Variants in RAB28 observed in about 807,000 individuals in gnomAD.
RAB28 encodes ras-related protein Rab-28.
A neutral mutation model predicts 31.7 loss-of-function variants in RAB28; 24 were observed. The ratio of observed to expected loss-of-function variants is 0.76; its 90% confidence interval spans 0.55 to 1.06. The LOEUF (loss-of-function observed/expected upper bound fraction) is 1.06. Among genes scored for constraint, RAB28 ranks in the 50% least tolerant of loss-of-function variants. RAB28 has a pLI of 0.00. For missense variants in RAB28, 254 were observed against 258.5 expected (o/e 0.98, Z 0.12); for synonymous variants, 100 against 90.4 (o/e 1.11, Z -0.60).
chr4:13,409,052 T>C (rs1712269290), intron 4 of RAB28, among the ~76,000 whole-genome samples: 1 of 152,236 alleles, frequency 6.6e-6, no homozygotes, highest in Non-Finnish European at 1.5e-5. Context: ...TGCTTTATTA[T>C]ACTGTCTTTT....
At chr4:13,416,759 G>A (rs948227157) in intron 4 of RAB28, among the ~76,000 whole-genome samples, 1 of 152,078 alleles carries the variant, frequency 6.6e-6, no homozygotes, top group Non-Finnish European at 1.5e-5. Context: ...GCACACAAAC[G>A]AAGATTCCAT....
chr4:13,473,584 A>G (rs1716213685), intron 3 of RAB28, among the ~76,000 whole-genome samples: 1 of 151,868 alleles, frequency 6.6e-6, no homozygotes, highest in African/African-American at 2.4e-5. Flanking sequence ...GAACATGCTC[A>G]GAGAGAAATG....
intron 4 of RAB28, among the ~76,000 whole-genome samples, chr4:13,398,583 C>T (rs551016224): frequency 7.8e-4 from 119 of 152,030 alleles, no homozygotes; most frequent in Non-Finnish European, 1.4e-3. Context: ...TAGAGACCAT[C>T]CTGGCTAACA....
At chr4:13,392,327 C>A (rs1003588338) in intron 4 of RAB28, among the ~76,000 whole-genome samples, 10 of 152,188 alleles carry the variant, frequency 6.6e-5, no homozygotes, top group Admixed American at 6.5e-5. Flanking sequence ...TATCAAATAT[C>A]TTTATAAAGA....
chr4:13,377,838 C>T (rs1449963556), intron 5 of RAB28, among the ~76,000 whole-genome samples: 1 of 152,142 alleles, frequency 6.6e-6, no homozygotes, highest in Non-Finnish European at 1.5e-5. Flanking sequence ...TTTCAAAGTA[C>T]AGCCAAGGGG....
intron 3 of RAB28, among the ~76,000 whole-genome samples, chr4:13,472,603 C>T (rs1178512125): frequency 6.6e-6 from 1 of 151,792 alleles, no homozygotes; most frequent in African/African-American, 2.4e-5. Context: ...AAAGACTATT[C>T]TATTTGACAC....
intron 4 of RAB28, among the ~76,000 whole-genome samples, chr4:13,386,883 C>A (rs1198109138): frequency 1.3e-5 from 2 of 151,988 alleles, no homozygotes; most frequent in East Asian, 3.8e-4. Context: ...AAAGACAATG[C>A]AGTACATATG....
intron 3 of RAB28, among the ~76,000 whole-genome samples, chr4:13,468,014 T>A (rs988401904): frequency 2.6e-5 from 4 of 151,782 alleles, no homozygotes; most frequent in Non-Finnish European, 5.9e-5. Flanking sequence ...ATAAGGAAAA[T>A]TAACAAGTTT....
chr4:13,439,782 G>A (rs1260338672), intron 4 of RAB28, among the ~76,000 whole-genome samples: 2 of 152,060 alleles, frequency 1.3e-5, no homozygotes, highest in Non-Finnish European at 2.9e-5. Context: ...TGTTACATGA[G>A]CATATTGCAT....
chr4:13,373,918 G>A (rs1728817410), intron 6 of RAB28, among the ~76,000 whole-genome samples: 1 of 151,658 alleles, frequency 6.6e-6, no homozygotes. Flanking sequence ...ACAACCACAT[G>A]CAGTGTGTAT....
At chr4:13,482,602 GATTT>G (rs1716657703) in intron 1 of RAB28, among the ~76,000 whole-genome samples, 1 of 152,042 alleles carries the variant, frequency 6.6e-6, no homozygotes, top group Non-Finnish European at 1.5e-5. Context: ...TAGAAACAAT[GATTT>G]ATTTATAGCA....
chr4:13,456,168 G>A (rs1715289075), intron 4 of RAB28, among the ~76,000 whole-genome samples: 1 of 152,158 alleles, frequency 6.6e-6, no homozygotes, highest in South Asian at 2.1e-4. Flanking sequence ...AATGTTCAGT[G>A]AAAGAATGGC....
intron 4 of RAB28, among the ~76,000 whole-genome samples, chr4:13,433,138 G>GAAAA (rs1159582203): frequency 4.3e-5 from 3 of 69,488 alleles, no homozygotes; most frequent in Non-Finnish European, 6.6e-5. Context: ...GCAAATGAAA[G>GAAAA]AAAAAAAAAA....
At chr4:13,423,561 G>T (rs965913348) in intron 4 of RAB28, among the ~76,000 whole-genome samples, 5 of 152,044 alleles carry the variant, frequency 3.3e-5, no homozygotes, top group African/African-American at 1.2e-4. Context: ...TGTCAGTGCC[G>T]ATAAATAAAG....
chr4:13,412,450 CACAA>C (rs149105842), intron 4 of RAB28, among the ~76,000 whole-genome samples: 7,669 of 152,136 alleles, frequency 0.05, 249 homozygotes, highest in Middle Eastern at 0.14. Flanking sequence ...TATATTCTCA[CACAA>C]ACAACCCTGT....
At chr4:13,481,924 G>A (rs1716624760) in intron 1 of RAB28, among the ~76,000 whole-genome samples, 1 of 152,142 alleles carries the variant, frequency 6.6e-6, no homozygotes, top group Non-Finnish European at 1.5e-5. Flanking sequence ...AAAGGAAAAA[G>A]AATGGGAATG....
At chr4:13,377,870 G>A (rs1471318733) in intron 5 of RAB28, among the ~76,000 whole-genome samples, 4 of 152,230 alleles carry the variant, frequency 2.6e-5, no homozygotes, top group African/African-American at 9.6e-5. Context: ...GATGTGGGGT[G>A]TGAGAGAAAA....
intron 4 of RAB28, among the ~76,000 whole-genome samples, chr4:13,385,952 G>C (rs1346314557): frequency 6.6e-6 from 1 of 152,012 alleles, no homozygotes; most frequent in East Asian, 1.9e-4. Context: ...ACATTGGTTT[G>C]GGCAAAGATT....
rs145827965 is a variant in RAB28 at position 13,427,941 on chromosome 4, C to T, written c.391+32758G>A. Among the ~76,000 whole-genome samples, 912 of 152,266 alleles carry T rather than the reference C, an allele frequency of 6.0e-3. 2 individuals carry two copies. The highest frequency in any genetic ancestry group is 7.7e-3 in the Non-Finnish European group (525 of 68,016). On this transcript the variant is annotated intron_variant, in intron 4 of 6. Coordinates refer to ENST00000330852, the MANE Select transcript of RAB28 (RefSeq NM_001017979.3). ...TCGGCAAGACTCACGTCTCCAAAAA[C>T]GCAGCTCCCGAGTGAGCAATTCCTG...
Sources: allele counts gnomAD v4.1 joint callset (sites outside exome capture counted in the v4.1 genomes callset), GRCh38; gene constraint gnomAD v4.1.1; transcripts MANE v1.5; gene names NCBI Gene and HGNC (gene_info 2026-07-23, HGNC 2026-07-21).